The following EEPD1 variants were observed in gnomAD, a reference collection of about 807,000 sequenced individuals.
EEPD1 encodes the protein endonuclease/exonuclease/phosphatase family domain-containing protein 1.
In EEPD1, 17 loss-of-function variants were observed where a neutral mutation model predicts 46.3. The ratio of observed to expected loss-of-function variants is 0.37; its 90% CI spans 0.25 to 0.55. EEPD1 has a LOEUF of 0.55. Among genes scored for constraint, EEPD1 ranks in the 20% least tolerant of loss-of-function variants. EEPD1 has a pLI of 0.83. For synonymous variants in EEPD1, 313 were observed against 315.6 expected, an observed-to-expected ratio of 0.99 and a Z score of 0.09; for missense variants, 673 against 745.6, an observed-to-expected ratio of 0.90 and a Z score of 1.13.
intron 2 of EEPD1, among the ~76,000 whole-genome samples, chr7:36,211,978 G>T (rs1562688558): frequency 6.6e-6 from 1 of 151,574 alleles, no homozygotes; most frequent in Non-Finnish European, 1.5e-5. Flanking sequence ...GAAACAAAAT[G>T]TAAAGTTAAT....
intron 3 of EEPD1, among the ~76,000 whole-genome samples, chr7:36,258,126 A>G (rs1786856386): frequency 6.6e-6 from 1 of 152,226 alleles, no homozygotes. Flanking sequence ...TCCACTCCGG[A>G]CCCCGTTTGC....
chr7:36,195,681 G>C (rs1381456338), intron 2 of EEPD1, among the ~76,000 whole-genome samples: 2 of 152,102 alleles, frequency 1.3e-5, no homozygotes, highest in East Asian at 3.9e-4. Flanking sequence ...GAGATCTCTT[G>C]TACTTCATGG....
intron 2 of EEPD1, among the ~76,000 whole-genome samples, chr7:36,176,314 G>A (rs1483465459): frequency 6.6e-6 from 1 of 152,166 alleles, no homozygotes; most frequent in Non-Finnish European, 1.5e-5. Flanking sequence ...GGAGTGGCCT[G>A]AAGACAACCC....
intron 2 of EEPD1, among the ~76,000 whole-genome samples, chr7:36,213,816 A>C (rs1785979867): frequency 6.6e-6 from 1 of 152,070 alleles, no homozygotes; most frequent in Non-Finnish European, 1.5e-5. Context: ...ACCCCCCCGG[A>C]TTGTCGGCTC....
At chr7:36,294,027 GA>G (rs145155620) in intron 6 of EEPD1, among the ~76,000 whole-genome samples, 106 of 148,124 alleles carry the variant, frequency 7.2e-4, no homozygotes, top group African/African-American at 2.4e-3. Context: ...GTACTGATAA[GA>G]AAAAAAAAAG....
chr7:36,170,439 A>G (rs1434848579), intron 2 of EEPD1, among the ~76,000 whole-genome samples: 1 of 151,740 alleles, frequency 6.6e-6, no homozygotes, highest in South Asian at 2.1e-4. Context: ...TTGTATATAT[A>G]AAATGTTTAT....
intron 3 of EEPD1, among the ~76,000 whole-genome samples, chr7:36,276,582 C>A (rs572688864): frequency 8.5e-5 from 13 of 152,254 alleles, no homozygotes; most frequent in African/African-American, 3.1e-4. Flanking sequence ...TACAGGGTCC[C>A]GGGAGAGCCA....
intron 2 of EEPD1, among the ~76,000 whole-genome samples, chr7:36,224,438 T>TA (rs1033104754): frequency 7.9e-5 from 12 of 152,156 alleles, no homozygotes; most frequent in African/African-American, 2.9e-4. Context: ...GCATAAAGAC[T>TA]AAAAAAAGGC....
intron 2 of EEPD1, among the ~76,000 whole-genome samples, chr7:36,215,622 G>T (rs1583813946): frequency 6.6e-6 from 1 of 152,252 alleles, no homozygotes; most frequent in East Asian, 1.9e-4. Context: ...AAGCCTGTAG[G>T]CACCATGTGT....
intron 3 of EEPD1, among the ~76,000 whole-genome samples, chr7:36,265,160 C>T (rs1055000787): frequency 3.9e-5 from 6 of 152,208 alleles, no homozygotes; most frequent in African/African-American, 9.6e-5. Context: ...GCAACCAGAG[C>T]GATTTCCCTG....
At chr7:36,163,813 G>C (rs966923693) in intron 2 of EEPD1, among the ~76,000 whole-genome samples, 1 of 151,016 alleles carries the variant, frequency 6.6e-6, no homozygotes, top group Non-Finnish European at 1.5e-5. Flanking sequence ...GGGAGGTGGA[G>C]CTTGCAGTGA....
Position 36,285,897 on chromosome 7 carries a change from C to T in EEPD1, c.1176+1077C>T, listed in dbSNP as rs149569785. 1.9e-3 allele frequency among the ~76,000 whole-genome samples: 290 copies of T among 152,214 alleles called. 1 individual carries two copies. Among genetic ancestry groups the T allele is most frequent in the Middle Eastern group, 6.8e-3 (2 of 294 alleles). ...CTCACCCTGGGGGTATCTGTCACACCCAGCAGCCCCTCTCATTCCTCTGTC... is the reference window on the plus strand; with the variant it reads ...CTCACCCTGGGGGTATCTGTCACACTCAGCAGCCCCTCTCATTCCTCTGTC... On this transcript the variant is annotated intron_variant, in intron 5 of 7. Coordinates refer to ENST00000242108, the MANE Select transcript of EEPD1 (RefSeq NM_030636.3).
chr7:36,182,810 A>T (rs1352449475), intron 2 of EEPD1, among the ~76,000 whole-genome samples: 1 of 152,258 alleles, frequency 6.6e-6, no homozygotes, highest in Non-Finnish European at 1.5e-5. Flanking sequence ...AGATGCAGGC[A>T]CTAAAAACTG....
intron 2 of EEPD1, among the ~76,000 whole-genome samples, chr7:36,195,553 A>G (rs969836305): frequency 2.0e-5 from 3 of 152,244 alleles, no homozygotes; most frequent in African/African-American, 4.8e-5. Context: ...TTAAACTTAT[A>G]GAAGCAGAGA....
intron 2 of EEPD1, among the ~76,000 whole-genome samples, chr7:36,184,742 T>A (rs559182785): frequency 2.7e-4 from 41 of 152,104 alleles, no homozygotes; most frequent in African/African-American, 8.9e-4. Context: ...TTAAAAAAAA[T>A]TTTTTTGAGA....
intron 2 of EEPD1, among the ~76,000 whole-genome samples, chr7:36,165,624 A>G (rs1784970913): frequency 1.5e-5 from 1 of 64,708 alleles, no homozygotes; most frequent in South Asian, 4.1e-4. Flanking sequence ...TATTTTTAGT[A>G]GAGACAGGGT....
chr7:36,222,049 C>T (rs746344449), intron 2 of EEPD1, among the ~76,000 whole-genome samples: 13 of 152,144 alleles, frequency 8.5e-5, no homozygotes, highest in Middle Eastern at 3.4e-3. Context: ...TATTCAGGAT[C>T]GTTAACCCTT....
chr7:36,245,273 T>C (rs891429478), intron 3 of EEPD1, among the ~76,000 whole-genome samples: 6 of 152,094 alleles, frequency 3.9e-5, no homozygotes, highest in African/African-American at 1.4e-4. Flanking sequence ...GATCACATTG[T>C]GAAGAGGGGG....
At position 36,248,514 on chromosome 7, in the gene EEPD1, CTTT is replaced by C. The variant is rs35722763; in HGVS notation, c.930+9495_930+9497del. Among the ~76,000 whole-genome samples the C allele has an allele frequency of 1.5e-3, 194 of 126,768 alleles. 2 individuals are homozygous for C. The East Asian group carries it at 0.016, about 11-fold the overall frequency. 83.2% of individuals were successfully genotyped at this position (126,768 alleles called of 152,430 possible). On this transcript the variant is annotated intron_variant, in intron 3 of 7. Coordinates refer to ENST00000242108, the MANE Select transcript of EEPD1 (RefSeq NM_030636.3). Reference sequence around the variant, plus strand: ...GAGCCACCACCCTCGGCCAGATACTCTTTTTTTTTTTTTTTTTTTCCAAAAAAA... The same window carrying C: ...GAGCCACCACCCTCGGCCAGATACTCTTTTTTTTTTTTTTTTCCAAAAAAA...
Sources: allele counts gnomAD v4.1 joint callset (sites outside exome capture counted in the v4.1 genomes callset), GRCh38; gene constraint gnomAD v4.1.1; transcripts MANE v1.5; gene names NCBI Gene and HGNC (gene_info 2026-07-23, HGNC 2026-07-21).